The following SPTBN2 variants were observed in gnomAD, a reference collection of about 807,000 sequenced individuals.
The protein encoded by SPTBN2 is spectrin beta, non-erythrocytic 2.
Under a neutral mutation model 284.2 loss-of-function variants are expected in SPTBN2, and 107 were observed. The observed-to-expected ratio is 0.38, with a 90% confidence interval of 0.32 to 0.44. The LOEUF is 0.44. SPTBN2 is among the 20% of genes least tolerant of loss of function. The pLI, the probability that SPTBN2 is intolerant of heterozygous loss-of-function variation, is 1.00. For synonymous variants in SPTBN2, 1,289 were observed against 1,354.8 expected (o/e 0.95, Z 1.07); for missense variants, 2,569 against 3,287.1 (o/e 0.78, Z 5.34).
rs1404102741 is a variant in SPTBN2 at position 66,700,567 on chromosome 11, G to A, written c.3532C>T (p.Leu1178=). ...CCCTCAGCCTGACGAGCATCCCGCAGGAATCCCTGGAAGCCGTGGGCCTGG... is the reference window on the plus strand; with the variant it reads ...CCCTCAGCCTGACGAGCATCCCGCAAGAATCCCTGGAAGCCGTGGGCCTGG... ...LAQAHGFQGF[L]RDARQAEGVL... The change falls in exon 17 of 38, where the codon CTG becomes TTG. Residue 1178 remains leucine (L), a synonymous_variant. Transcript: ENST00000533211. This position sits in a 1 kb window ranked among gnomAD's most constrained non-coding sequence, Gnocchi z 6.6. 6.2e-7 allele frequency: 1 copy of A among 1,606,970 alleles called. No individual in the cohort carries two copies. The highest frequency in any genetic ancestry group is 1.3e-5 in the African/African-American group (1 of 74,944).
chr11:66,719,381 T>A (rs1362583941), intron 3 of SPTBN2, among the ~76,000 whole-genome samples: 1 of 152,234 alleles, frequency 6.6e-6, no homozygotes, highest in Non-Finnish European at 1.5e-5. Context: ...CCTCTGGGCT[T>A]CAGCGTTTGT....
intron 7 of SPTBN2, 25 bp downstream of exon 7, chr11:66,714,066 G>A: frequency 6.2e-7 from 1 of 1,613,214 alleles, no homozygotes; most frequent in Non-Finnish European, 8.5e-7. Context: ...CAGCTCTGCT[G>A]CGTTTGCTAA....
At chr11:66,705,503 C>T (rs1283626954) in intron 14 of SPTBN2, 35 bp from the exon 15 acceptor site, 2 of 1,612,176 alleles carry the variant, frequency 1.2e-6, no homozygotes, top group Non-Finnish European at 1.7e-6. Flanking sequence ...AGAGCCTTAA[C>T]CCAGCCCTCC....
In SPTBN2 at chr11:66,691,250, A is replaced by C; in HGVS notation, c.5565+34T>G. On this transcript the variant is annotated intron_variant, in intron 27 of 37. Coordinates refer to ENST00000533211, the MANE Select transcript of SPTBN2 (RefSeq NM_006946.4). The surrounding 1 kb of genome is among the most constrained non-coding windows in gnomAD (Gnocchi z 8.0). ...CGGCATTTCCCCCATGGCCTCCTCT[A>C]AGCCTCCCCCACCTCCTCATGCTTG... The C allele has an allele frequency of 6.6e-7, 1 of 1,510,520 alleles. No individual in the cohort carries two copies. The highest frequency in any genetic ancestry group is 1.3e-5 in the South Asian group (1 of 74,492). The allele number at this position is 1,510,520 out of a possible 1,614,324, so 93.6% of individuals were successfully genotyped here. A position where few individuals can be genotyped will look rare whatever the true frequency, so the allele number is the denominator to read the frequency against.
In SPTBN2 at chr11:66,685,801, G is replaced by A. The variant is rs956855545; in HGVS notation, c.*70C>T. 38 of 1,447,728 alleles carry A rather than the reference G, an allele frequency of 2.6e-5. No individual in the cohort carries two copies. The highest frequency in any genetic ancestry group is 1.4e-4 in the East Asian group (6 of 44,130). 89.7% of individuals were successfully genotyped at this position (1,447,728 alleles called of 1,614,324 possible). The stretch of plus-strand genomic sequence containing the variant: ...CAGGCAGTTGTCCTGACAAGAGGGC[G>A]GTCCCTGTCGACTGTCCCTGGCAGT... On this transcript the variant is annotated 3_prime_UTR_variant, in exon 38 of 38. Transcript: ENST00000533211. The surrounding 1 kb of genome is among the most constrained non-coding windows in gnomAD (Gnocchi z 4.4).
At chr11:66,744,131 G>A (rs924025567) in intron 1 of SPTBN2, among the ~76,000 whole-genome samples, 2 of 152,190 alleles carry the variant, frequency 1.3e-5, no homozygotes, top group Non-Finnish European at 2.9e-5. Context: ...AAAGTGCTGG[G>A]ATGACGGGCG....
rs140831174 is a variant in SPTBN2 at position 66,721,045 on chromosome 11, C to T, written c.157+39G>A. On this transcript the variant is annotated intron_variant, in intron 3 of 37. Transcript: ENST00000533211. ...CTTCATGACGAGCTGACAAAGCCTC[C>T]TCCAGCATCCCCCCACCTCGACCCT... The T allele has an allele frequency of 2.5e-4, 396 of 1,613,878 alleles. No homozygotes were observed. The African/African-American group carries it at 4.9e-3, about 20-fold the overall frequency.
upstream of SPTBN2, among the ~76,000 whole-genome samples, chr11:66,729,532 T>C (rs770332226): frequency 6.6e-6 from 1 of 152,166 alleles, no homozygotes; most frequent in Non-Finnish European, 1.5e-5. Flanking sequence ...TAATTTAGGA[T>C]TTTGCTCCTT....
In SPTBN2 at chr11:66,718,908, G is replaced by C. The variant is rs1306710102; in HGVS notation, c.157+2176C>G. ...AGGCGGAGTGTGGCCGGCGGGGGCA[G>C]GGCCAGGCCCTGCGGGGCGGCGGAG... is the stretch of plus-strand genomic sequence containing the variant. On this transcript the variant is annotated intron_variant, in intron 3 of 37. Transcript: ENST00000533211. The surrounding 1 kb of genome is among the most constrained non-coding windows in gnomAD (Gnocchi z 4.8). 6.6e-6 allele frequency among the ~76,000 whole-genome samples: 1 copy of C among 152,222 alleles called. No individual in the cohort carries two copies. The highest frequency in any genetic ancestry group is 1.5e-5 in the Non-Finnish European group (1 of 68,034).
At position 66,715,517 on chromosome 11, in the gene SPTBN2, A is replaced by G; in HGVS notation, c.310-122T>C. 7.4e-7 allele frequency: 1 copy of G among 1,348,494 alleles called. No individual in the cohort carries two copies. Among genetic ancestry groups the G allele is most frequent in the Non-Finnish European group, 1.0e-6 (1 of 992,560 alleles). 83.5% of individuals were successfully genotyped at this position (1,348,494 alleles called of 1,614,324 possible). ...CTACCTCAGGAACACAGACAGGCACAGCCCCAGGGCTGGAGCCAAAGCTGA... is the reference window on the plus strand; with the variant it reads ...CTACCTCAGGAACACAGACAGGCACGGCCCCAGGGCTGGAGCCAAAGCTGA... On this transcript the variant is annotated intron_variant, in intron 4 of 37. Transcript: ENST00000533211. This position sits in a 1 kb window ranked among gnomAD's most constrained non-coding sequence, Gnocchi z 5.3.
chr11:66,692,778 G>T, intron 25 of SPTBN2, 38 bp from the exon 26 acceptor site: 2 of 1,599,388 alleles, frequency 1.3e-6, no homozygotes, highest in East Asian at 2.2e-5. Context: ...GGGACTTAGG[G>T]GTGTAGCTCT....
intron 10 of SPTBN2, among the ~76,000 whole-genome samples, chr11:66,709,623 G>C (rs762498215): frequency 2.6e-5 from 4 of 152,096 alleles, no homozygotes; most frequent in Non-Finnish European, 5.9e-5. Flanking sequence ...AAACATCCTT[G>C]AAGCTACATC....
At chr11:66,729,536 G>A (rs1041076535), upstream of SPTBN2, among the ~76,000 whole-genome samples, 3 of 152,172 alleles carry the variant, frequency 2.0e-5, no homozygotes, top group Non-Finnish European at 4.4e-5. Context: ...TTAGGATTTT[G>A]CTCCTTTCTG....
intron 7 of SPTBN2, 75 bp downstream of exon 7, chr11:66,714,016 C>G: frequency 6.9e-7 from 1 of 1,452,614 alleles, no homozygotes; most frequent in South Asian, 1.1e-5. Context: ...CATCTCATCT[C>G]TGTCTCCACA....
At chr11:66,735,346 A>G (rs11820334) in intron 1 of SPTBN2, among the ~76,000 whole-genome samples, 5 of 146,576 alleles carry the variant, frequency 3.4e-5, no homozygotes, top group African/African-American at 1.3e-4. Flanking sequence ...AAAAAAAAGA[A>G]AAAAAAAAAT....
chr11:66,706,997 T>C (rs562536034), intron 13 of SPTBN2, among the ~76,000 whole-genome samples: 1 of 152,368 alleles, frequency 6.6e-6, no homozygotes, highest in Admixed American at 6.5e-5. Context: ...ACCAGGCCTG[T>C]AAGGCCCTAG....
Position 66,684,634 on chromosome 11 carries a change from CAAAA to C in SPTBN2, c.*1233_*1236del, listed in dbSNP as rs903836770. ...TGGCTGACAGAGTGAGACTCTGTCT[CAAAA>C]AAAAAAAAAAAAAAGAATATATATT... On this transcript the variant is annotated 3_prime_UTR_variant, in exon 38 of 38. Transcript: ENST00000533211. Among the ~76,000 whole-genome samples, 4 of 60,422 alleles carry C rather than the reference CAAAA, an allele frequency of 6.6e-5. No homozygotes were observed. The highest frequency in any genetic ancestry group is 1.8e-4 in the Admixed American group (1 of 5,542). The allele number at this position is 60,422 out of a possible 152,430, so 39.6% of individuals were successfully genotyped here. A position where few individuals can be genotyped will look rare whatever the true frequency, so the allele number is the denominator to read the frequency against.
In SPTBN2 at chr11:66,691,487, C is replaced by T. The variant is rs1565116120; in HGVS notation, c.5362G>A (p.Glu1788Lys). 3 of 1,611,988 alleles carry T rather than the reference C, an allele frequency of 1.9e-6. No homozygotes were observed. Among genetic ancestry groups the T allele is most frequent in the Non-Finnish European group, 1.7e-6 (2 of 1,179,990 alleles). The change falls in exon 27 of 38, where the codon GAG becomes AAG. Residue 1788 changes from glutamate (E) to lysine (K), a missense_variant. Physicochemically the swap from Glu to Lys is moderately conservative, Grantham distance 56 (BLOSUM62 1). This residue lies in a region of SPTBN2 where 1,130 missense variants were observed against 1,317.3 expected (regional missense o/e 0.86). Transcript: ENST00000533211. The surrounding 1 kb of genome is among the most constrained non-coding windows in gnomAD (Gnocchi z 8.0). ...ACCTGACCCCGTGTGTCCAGCAGCT[C>T]AAGCAGGTCAGCCCAGGCCTCGTTG... is the stretch of plus-strand genomic sequence containing the variant. The part of the protein sequence containing the change: ...SLNEAWADLL[E>K]LLDTRGQVLA...
Position 66,685,154 on chromosome 11 carries a change from G to A in SPTBN2, c.*717C>T, listed in dbSNP as rs1413427385. ...CGGCTCTTCAAGAGCTTGGAGGCTG[G>A]GGAAACGTGAGATGAAGGAGACCAG... is the stretch of plus-strand genomic sequence containing the variant. On this transcript the variant is annotated 3_prime_UTR_variant, in exon 38 of 38. Coordinates refer to ENST00000533211, the MANE Select transcript of SPTBN2 (RefSeq NM_006946.4). The surrounding 1 kb of genome is among the most constrained non-coding windows in gnomAD (Gnocchi z 4.4). 6.5e-6 allele frequency: 1 copy of A among 153,528 alleles called. No homozygotes were observed. Among genetic ancestry groups the A allele is most frequent in the Admixed American group, 6.5e-5 (1 of 15,418 alleles). The allele number at this position is 153,528 out of a possible 1,614,324, so 9.5% of individuals were successfully genotyped here.
Sources: gnomAD v4.1 joint callset for allele counts (sites outside exome capture counted in the v4.1 genomes callset) on GRCh38, gnomAD v4.1.1 for gene constraint, gnomAD v4.1.1 regional missense constraint, Gnocchi (gnomAD v3.1) non-coding constraint, MANE v1.5 for transcripts, NCBI Gene and HGNC (gene_info 2026-07-23, HGNC 2026-07-21) for gene names.